Variants in BMPR2 observed in about 807,000 individuals in gnomAD.
BMPR2 encodes the protein bone morphogenetic protein receptor type 2.
A neutral mutation model predicts 100.8 loss-of-function variants in BMPR2; 29 were observed. The ratio of observed to expected loss-of-function variants is 0.29; its 90% confidence interval spans 0.21 to 0.39. The LOEUF (loss-of-function observed/expected upper bound fraction) is 0.39, where lower values mean the gene tolerates loss of function less well. Ranked by LOEUF, BMPR2 falls within the 10% of genes least tolerant of loss-of-function variation. BMPR2 has a pLI of 1.00. For synonymous variants in BMPR2, 382 were observed against 442.3 expected (o/e 0.86, Z 1.71); for missense variants, 1,011 against 1,274.5 (o/e 0.79, Z 3.15).
At chr2:202,558,131 C>A (rs978283078) in intron 12 of BMPR2, among the ~76,000 whole-genome samples, 23 of 152,000 alleles carry the variant, frequency 1.5e-4, no homozygotes, top group African/African-American at 4.8e-4. Flanking sequence ...CTAGCCTGGG[C>A]AACATAGCAA....
At chr2:202,386,558 C>T (rs1299885691) in intron 1 of BMPR2, among the ~76,000 whole-genome samples, 1 of 152,130 alleles carries the variant, frequency 6.6e-6, no homozygotes, top group Non-Finnish European at 1.5e-5. Flanking sequence ...TGTGCTACTA[C>T]CTTAATCTAA....
intron 9 of BMPR2, among the ~76,000 whole-genome samples, chr2:202,542,079 C>G (rs1688285993): frequency 6.6e-6 from 1 of 151,498 alleles, no homozygotes; most frequent in African/African-American, 2.4e-5. Context: ...CCACTGCACT[C>G]CAGCCTGGGC....
In BMPR2 at chr2:202,566,229, T is replaced by G. The variant is rs985681201; in HGVS notation, c.*6283T>G. The G allele has an allele frequency of 6.6e-6, 1 of 152,628 alleles. No individual in the cohort carries two copies. The highest frequency in any genetic ancestry group is 1.5e-5 in the Non-Finnish European group (1 of 68,018). The allele number at this position is 152,628 out of a possible 1,614,324, so 9.5% of individuals were successfully genotyped here. ...ATACCTTTAGATTTCAGAAACATCT[T>G]CATGTTTTAGATGCATTCTACAGAC... is the stretch of plus-strand genomic sequence containing the variant. On this transcript the variant is annotated 3_prime_UTR_variant, in exon 13 of 13. Coordinates refer to ENST00000374580, the MANE Select transcript of BMPR2 (RefSeq NM_001204.7).
At chr2:202,502,238 T>C (rs1687408875) in intron 3 of BMPR2, among the ~76,000 whole-genome samples, 1 of 152,172 alleles carries the variant, frequency 6.6e-6, no homozygotes, top group African/African-American at 2.4e-5. Context: ...TATAGAGTTA[T>C]TGCACACAAT....
At chr2:202,392,473 A>G (rs1481772870) in intron 1 of BMPR2, among the ~76,000 whole-genome samples, 2 of 152,178 alleles carry the variant, frequency 1.3e-5, no homozygotes, top group African/African-American at 4.8e-5. Context: ...TTGAGTTGAA[A>G]GTATCATTTA....
Position 202,561,997 on chromosome 2 carries a change from G to C in BMPR2, c.*2051G>C, listed in dbSNP as rs1688685023. On this transcript the variant is annotated 3_prime_UTR_variant, in exon 13 of 13. Transcript: ENST00000374580. ...CTTCTGGCACGTAATTTTTTTCACA[G>C]TTATTATTCTTCTATTAACAAATTA... is the stretch of plus-strand genomic sequence containing the variant. 6.6e-6 allele frequency: 1 copy of C among 151,982 alleles called. No homozygotes were observed. The highest frequency in any genetic ancestry group is 2.1e-4 in the South Asian group (1 of 4,810). The allele number at this position is 151,982 out of a possible 1,614,324, so 9.4% of individuals were successfully genotyped here.
intron 3 of BMPR2, among the ~76,000 whole-genome samples, chr2:202,485,211 TGTTTAGTGATCCTAA>T: frequency 6.6e-6 from 1 of 152,292 alleles, no homozygotes; most frequent in Non-Finnish European, 1.5e-5. Context: ...CTTTAAGATG[TGTTTAGTGATCCTAA>T]GTATGACTGG....
intron 1 of BMPR2, among the ~76,000 whole-genome samples, chr2:202,423,751 C>G (rs1691321626): frequency 6.6e-6 from 1 of 151,880 alleles, no homozygotes; most frequent in Admixed American, 6.6e-5. Context: ...AAGACCTCCT[C>G]TCTAAAAGAG....
intron 1 of BMPR2, 99 bp downstream of exon 1, chr2:202,377,649 G>A: frequency 7.1e-7 from 1 of 1,401,150 alleles, no homozygotes; most frequent in East Asian, 2.3e-5. Flanking sequence ...TTCGCCATGC[G>A]TCCCCCCGAT....
intron 3 of BMPR2, among the ~76,000 whole-genome samples, chr2:202,507,022 G>A (rs1424825603): frequency 6.7e-6 from 1 of 150,256 alleles, no homozygotes; most frequent in East Asian, 1.9e-4. Flanking sequence ...GTAGTGACCC[G>A]AGATCGTGCC....
chr2:202,441,447 G>A (rs1691739942), intron 1 of BMPR2, among the ~76,000 whole-genome samples: 1 of 148,016 alleles, frequency 6.8e-6, no homozygotes, highest in Non-Finnish European at 1.5e-5. Context: ...GCTCACGCCT[G>A]TAATCCCAGC....
chr2:202,422,259 A>G (rs184624511), intron 1 of BMPR2, among the ~76,000 whole-genome samples: 102 of 151,990 alleles, frequency 6.7e-4, no homozygotes, highest in African/African-American at 2.4e-3. Context: ...CATGTGAATG[A>G]CAGCTGCTAT....
At chr2:202,434,908 A>AAATATAT (rs1559037398) in intron 1 of BMPR2, among the ~76,000 whole-genome samples, 1 of 38,414 alleles carries the variant, frequency 2.6e-5, no homozygotes, top group African/African-American at 1.1e-4. Flanking sequence ...AAAAAAAAAA[A>AAATATAT]ATATATATAT....
Position 202,532,593 on chromosome 2 carries a change from T to C in BMPR2, c.1137T>C (p.Thr379=), listed in dbSNP as rs1319460343. 1 of 1,614,010 alleles carries C rather than the reference T, an allele frequency of 6.2e-7. No homozygotes were observed. The highest frequency in any genetic ancestry group is 1.1e-5 in the South Asian group (1 of 91,086). The change falls in exon 9 of 13, where the codon ACT becomes ACC. Residue 379 remains threonine (T), a synonymous_variant. Transcript: ENST00000374580. The surrounding 1 kb of genome is among the most constrained non-coding windows in gnomAD (Gnocchi z 4.1). ...EDNAAISEVG[T]IRYMAPEVLE... is the part of the protein sequence containing the mutation. ...TCACTCTAATTTATCAGGTTGGCAC[T>C]ATCAGATATATGGCACCAGAAGTGC...
intron 12 of BMPR2, among the ~76,000 whole-genome samples, chr2:202,557,792 C>A (rs555230384): frequency 1.3e-5 from 2 of 151,954 alleles, no homozygotes; most frequent in Admixed American, 1.3e-4. Context: ...GAATAATTAC[C>A]CAATTTAATA....
intron 3 of BMPR2, among the ~76,000 whole-genome samples, chr2:202,506,372 G>C (rs1350784767): frequency 6.6e-6 from 1 of 152,000 alleles, no homozygotes; most frequent in African/African-American, 2.4e-5. Context: ...TGGCCAGCCT[G>C]GTCTCAAACT....
At chr2:202,481,459 G>A (rs1490760816) in intron 3 of BMPR2, among the ~76,000 whole-genome samples, 3 of 152,218 alleles carry the variant, frequency 2.0e-5, no homozygotes, top group Admixed American at 6.5e-5. Flanking sequence ...GATTACAGGC[G>A]AGAGACACCG....
intron 1 of BMPR2, among the ~76,000 whole-genome samples, chr2:202,439,502 C>T (rs1244060253): frequency 3.4e-5 from 5 of 149,170 alleles, no homozygotes; most frequent in Admixed American, 3.3e-4. Context: ...CAAGACCATG[C>T]CATCTTCAAA....
At position 202,552,848 on chromosome 2, in the gene BMPR2, C is replaced by A; in HGVS notation, c.1546C>A (p.Pro516Thr). The A allele has an allele frequency of 6.2e-7, 1 of 1,614,086 alleles. No individual in the cohort carries two copies. Among genetic ancestry groups the A allele is most frequent in the Non-Finnish European group, 8.5e-7 (1 of 1,180,014 alleles). The stretch of plus-strand genomic sequence containing the variant: ...TTGGGAAAGAAACAAATCTGTGAGC[C>A]CAACAGTCAATCCAATGTCTACTGC... ...MIWERNKSVS[P>T]TVNPMSTAMQ... is the part of the protein sequence containing the mutation. Residue 516 changes from proline to threonine, a missense_variant, in exon 11 of 13, where the codon CCA (proline) becomes ACA (threonine). Physicochemically the swap from Pro to Thr is conservative, Grantham distance 38. This residue lies in a region of BMPR2 where 508 missense variants were observed against 552.0 expected (regional missense o/e 0.92). Transcript: ENST00000374580.
Sources: gnomAD v4.1 joint callset for allele counts (sites outside exome capture counted in the v4.1 genomes callset) on GRCh38, gnomAD v4.1.1 for gene constraint, gnomAD v4.1.1 regional missense constraint, Gnocchi (gnomAD v3.1) non-coding constraint, MANE v1.5 for transcripts, NCBI Gene and HGNC (gene_info 2026-07-23, HGNC 2026-07-21) for gene names.